The following HPSE2 variants were observed in gnomAD, a reference collection of about 807,000 sequenced individuals.
The protein encoded by HPSE2 is inactive heparanase-2.
Under a neutral mutation model 60.5 loss-of-function variants are expected in HPSE2, and 38 were observed. That is an observed-to-expected ratio of 0.63 (90% CI 0.48 to 0.82). The LOEUF (loss-of-function observed/expected upper bound fraction) is 0.82. Among genes scored for constraint, HPSE2 ranks in the 40% least tolerant of loss-of-function variants. The pLI is 0.00. For synonymous variants in HPSE2, 295 were observed against 293.2 expected (o/e 1.01, Z -0.06); for missense variants, 713 against 740.4 (o/e 0.96, Z 0.43).
At chr10:98,596,081 C>T (rs147832048) in intron 9 of HPSE2, among the ~76,000 whole-genome samples, 16 of 152,240 alleles carry the variant, frequency 1.1e-4, no homozygotes, top group African/African-American at 3.6e-4. Flanking sequence ...ATCCTTTTAA[C>T]GTGCTGTTGA....
intron 2 of HPSE2, among the ~76,000 whole-genome samples, chr10:99,182,187 C>G (rs1055213942): frequency 6.6e-6 from 1 of 152,182 alleles, no homozygotes; most frequent in Non-Finnish European, 1.5e-5. Flanking sequence ...TAAAAGAGAC[C>G]TCTTTACTTC....
intron 3 of HPSE2, among the ~76,000 whole-genome samples, chr10:98,781,056 C>T (rs1016749920): frequency 6.6e-6 from 1 of 151,952 alleles, no homozygotes; most frequent in African/African-American, 2.4e-5. Context: ...GGCGGCATCA[C>T]GATATGTAGG....
chr10:99,241,759 T>C, the HPSE2 span, among the ~76,000 whole-genome samples: 1 of 152,086 alleles, frequency 6.6e-6, no homozygotes, highest in South Asian at 2.1e-4. Flanking sequence ...AGACCTTATC[T>C]CAAAAAAATA....
chr10:99,248,641 T>C, the HPSE2 span, among the ~76,000 whole-genome samples: 6 of 152,224 alleles, frequency 3.9e-5, no homozygotes, highest in African/African-American at 1.4e-4. Flanking sequence ...GAAATTTGCC[T>C]AAGTAAAAAG....
At chr10:99,160,136 T>C (rs191938310) in intron 2 of HPSE2, among the ~76,000 whole-genome samples, 2 of 149,774 alleles carry the variant, frequency 1.3e-5, no homozygotes, top group Admixed American at 1.3e-4. Context: ...AAAAAAAAGA[T>C]ATAATTAAGC....
intron 6 of HPSE2, among the ~76,000 whole-genome samples, chr10:98,664,401 G>C (rs1947306170): frequency 6.6e-6 from 1 of 152,126 alleles, no homozygotes; most frequent in Non-Finnish European, 1.5e-5. Flanking sequence ...GCCAGTCCAA[G>C]AAGGGTGTAG....
chr10:98,835,446 C>T (rs1443076078), intron 3 of HPSE2, among the ~76,000 whole-genome samples: 1 of 151,954 alleles, frequency 6.6e-6, no homozygotes, highest in East Asian at 1.9e-4. Flanking sequence ...TTTAAAGATA[C>T]AAGAAAGTGA....
At chr10:98,860,038 G>A (rs767929027) in intron 3 of HPSE2, among the ~76,000 whole-genome samples, 3 of 152,078 alleles carry the variant, frequency 2.0e-5, no homozygotes, top group Non-Finnish European at 4.4e-5. Context: ...AGGTATATAA[G>A]TATAAGAGAA....
At chr10:98,871,048 T>G (rs115060907) in intron 3 of HPSE2, among the ~76,000 whole-genome samples, 6,802 of 152,092 alleles carry the variant, frequency 0.045, 203 homozygotes, top group African/African-American at 0.075. Flanking sequence ...GTAAGCTTCC[T>G]GAAGCCCTCA....
At chr10:98,968,699 C>G (rs945708804) in intron 3 of HPSE2, among the ~76,000 whole-genome samples, 1 of 151,980 alleles carries the variant, frequency 6.6e-6, no homozygotes, top group Non-Finnish European at 1.5e-5. Context: ...TTTGCAGCAA[C>G]TTAGATGGAG....
intron 6 of HPSE2, among the ~76,000 whole-genome samples, chr10:98,656,974 G>C (rs1272443432): frequency 6.6e-6 from 1 of 151,990 alleles, no homozygotes; most frequent in Non-Finnish European, 1.5e-5. Context: ...TATTGGCCAG[G>C]CTGGTCTTGA....
intron 4 of HPSE2, among the ~76,000 whole-genome samples, chr10:98,722,387 G>T (rs1455185597): frequency 2.0e-5 from 3 of 151,656 alleles, no homozygotes; most frequent in African/African-American, 7.3e-5. Flanking sequence ...AAGAGGCATG[G>T]AATAGATTCT....
At chr10:98,883,094 A>T (rs1953071132) in intron 3 of HPSE2, among the ~76,000 whole-genome samples, 2 of 152,236 alleles carry the variant, frequency 1.3e-5, no homozygotes, top group Non-Finnish European at 2.9e-5. Context: ...CTAGCTCTGA[A>T]GGGCTATCAT....
chr10:99,055,157 C>T (rs1020287988), intron 3 of HPSE2, among the ~76,000 whole-genome samples: 2 of 152,076 alleles, frequency 1.3e-5, no homozygotes, highest in Non-Finnish European at 2.9e-5. Context: ...AATTGGTCAA[C>T]AGAAACCAAA....
intron 9 of HPSE2, among the ~76,000 whole-genome samples, chr10:98,508,574 A>T (rs547352232): frequency 1.5e-4 from 23 of 152,300 alleles, no homozygotes; most frequent in African/African-American, 5.3e-4. Flanking sequence ...TGAGTTAAAC[A>T]ATTACTTAAT....
At chr10:99,256,365 A>G in the HPSE2 span, among the ~76,000 whole-genome samples, 1 of 144,608 alleles carries the variant, frequency 6.9e-6, no homozygotes, top group Non-Finnish European at 1.5e-5. Flanking sequence ...TTCTGCCATG[A>G]GATGTGTAGG....
At chr10:98,654,066 T>C (rs1946993500) in intron 6 of HPSE2, among the ~76,000 whole-genome samples, 1 of 152,140 alleles carries the variant, frequency 6.6e-6, no homozygotes, top group Non-Finnish European at 1.5e-5. Flanking sequence ...TTCACATTGC[T>C]TCATATCAAT....
intron 3 of HPSE2, among the ~76,000 whole-genome samples, chr10:98,863,995 TA>T (rs1952524093): frequency 6.6e-6 from 1 of 152,122 alleles, no homozygotes; most frequent in Non-Finnish European, 1.5e-5. Flanking sequence ...AAACAAAATT[TA>T]TTCAGCCTAT....
rs188221464 is a variant in HPSE2 at position 99,207,580 on chromosome 10, C to T, written c.448+24768G>A. Among the ~76,000 whole-genome samples, 71 of 152,050 alleles carry T rather than the reference C, an allele frequency of 4.7e-4. 1 individual carries two copies. Among genetic ancestry groups the T allele is most frequent in the Admixed American group, 3.1e-3 (47 of 15,274 alleles). ...CTAAAAGTACTAAAAATAATAATGG[C>T]TATAATAAAGGAACCTTAACAATAA... On this transcript the variant is annotated intron_variant, in intron 2 of 11. Coordinates refer to ENST00000370552, the MANE Select transcript of HPSE2 (RefSeq NM_021828.5).
Sources: gnomAD v4.1 joint callset for allele counts (sites outside exome capture counted in the v4.1 genomes callset) on GRCh38, gnomAD v4.1.1 for gene constraint, MANE v1.5 for transcripts, NCBI Gene and HGNC (gene_info 2026-07-23, HGNC 2026-07-21) for gene names.